Variants in CFAP57 observed in about 807,000 individuals in gnomAD.
The protein encoded by CFAP57 is cilia and flagella associated protein 57, also known as cilia- and flagella-associated protein 57.
A neutral mutation model predicts 146.8 loss-of-function variants in CFAP57; 116 were observed. The ratio of observed to expected loss-of-function variants is 0.79; its 90% confidence interval spans 0.68 to 0.92. The LOEUF (loss-of-function observed/expected upper bound fraction) is 0.92. CFAP57 is among the 40% of genes least tolerant of loss of function. The pLI is 0.00. For missense variants in CFAP57, 1,377 were observed against 1,527.2 expected (o/e 0.90, Z 1.64); for synonymous variants, 518 against 552.8 (o/e 0.94, Z 0.88).
intron 9 of CFAP57, among the ~76,000 whole-genome samples, chr1:43,205,404 G>A (rs538529806): frequency 2.6e-5 from 4 of 152,356 alleles, no homozygotes; most frequent in South Asian, 4.1e-4. Context: ...CTGCACCAGA[G>A]CTGGGGCGGG....
intron 3 of CFAP57, among the ~76,000 whole-genome samples, chr1:43,182,261 G>T (rs1415838610): frequency 6.6e-6 from 1 of 152,212 alleles, no homozygotes; most frequent in Non-Finnish European, 1.5e-5. Flanking sequence ...TAACATGGTA[G>T]GTCTTTAGGA....
rs1384200748 is a variant in CFAP57, at chr1:43,232,545, C to G, written c.3047C>G (p.Thr1016Ser). 1 of 1,550,322 alleles carries G rather than the reference C, an allele frequency of 6.5e-7. No homozygotes were observed. The highest frequency in any genetic ancestry group is 2.4e-5 in the East Asian group (1 of 40,924). Residue 1016 changes from threonine to serine, a missense_variant, in exon 19 of 23, where the codon ACT becomes AGT. By Grantham distance (58) the Thr-to-Ser change is moderately conservative. Transcript: ENST00000372492. ...CTGGAGAATTTCCATAAGCAGAACA[C>G]TCAACTGGAGCTGAACATCACAGAA... is the stretch of plus-strand genomic sequence containing the variant. ...AELENFHKQN[T>S]QLELNITELW...
chr1:43,174,333 CTTTAA>C (rs1645088955), intron 2 of CFAP57, among the ~76,000 whole-genome samples: 3 of 152,098 alleles, frequency 2.0e-5, no homozygotes, highest in Admixed American at 6.6e-5. Flanking sequence ...ATACAGTTGA[CTTTAA>C]TTTATTGATG....
intron 22 of CFAP57, among the ~76,000 whole-genome samples, chr1:43,252,678 T>A (rs1431288625): frequency 3.3e-5 from 5 of 152,102 alleles, no homozygotes; most frequent in African/African-American, 9.7e-5. Flanking sequence ...GCTAGTATGA[T>A]TATTAAAATA....
intron 10 of CFAP57, 95 bp downstream of exon 10, chr1:43,207,027 CT>C: frequency 7.8e-7 from 1 of 1,279,950 alleles, no homozygotes; most frequent in Non-Finnish European, 1.1e-6. Flanking sequence ...GAATGAGGGC[CT>C]CTGCATACAG....
intron 2 of CFAP57, among the ~76,000 whole-genome samples, chr1:43,177,487 G>T (rs1322370999): frequency 6.6e-6 from 1 of 152,100 alleles, no homozygotes; most frequent in East Asian, 1.9e-4. Context: ...TTGATTTCAG[G>T]TCTGGATTTA....
Position 43,243,257 on chromosome 1 carries a change from G to A in CFAP57, c.3436G>A (p.Glu1146Lys), listed in dbSNP as rs185084915. The A allele has an allele frequency of 9.6e-4, 1,489 of 1,550,050 alleles. 1 individual carries two copies. Among genetic ancestry groups the A allele is most frequent in the Non-Finnish European group, 1.2e-3 (1,352 of 1,146,722 alleles). Residue 1146 changes from glutamate to lysine, a missense_variant, in exon 22 of 23, where the codon GAG (glutamate) becomes AAG (lysine). Coordinates refer to ENST00000372492, the MANE Select transcript of CFAP57 (RefSeq NM_001378189.1). ...ENVSLIKEIN[E>K]LRRELKFTRS... ...TGTCTCTCTGATCAAGGAAATTAATGAGCTCCGCAGGGAGCTGAAGTTCAC... is the reference window on the plus strand; with the variant it reads ...TGTCTCTCTGATCAAGGAAATTAATAAGCTCCGCAGGGAGCTGAAGTTCAC...
chr1:43,236,130 A>G (rs539036135), intron 21 of CFAP57, among the ~76,000 whole-genome samples: 4 of 152,200 alleles, frequency 2.6e-5, no homozygotes, highest in Non-Finnish European at 5.9e-5. Context: ...AGAGGGAGCC[A>G]TCAACAAATG....
At chr1:43,183,968 C>G in intron 4 of CFAP57, 91 bp downstream of exon 4, 2 of 1,529,838 alleles carry the variant, frequency 1.3e-6, no homozygotes, top group Admixed American at 1.8e-5. Flanking sequence ...ACTCATAACC[C>G]CTCTACCGTA....
intron 6 of CFAP57, among the ~76,000 whole-genome samples, chr1:43,194,038 A>G (rs4660717): frequency 0.18 from 27,420 of 152,090 alleles, 3,579 homozygotes; most frequent in African/African-American, 0.35. Context: ...ATTGTCTTTT[A>G]TAATTACCTT....
rs1188190132 is a variant in CFAP57, at chr1:43,234,638, G to T, written c.3405G>T (p.Gln1135His). 1.3e-6 allele frequency: 2 copies of T among 1,548,476 alleles called. No individual in the cohort carries two copies. The highest frequency in any genetic ancestry group is 2.7e-5 in the African/African-American group (2 of 72,984). Residue 1135 changes from glutamine to histidine, a missense_variant and splice_region_variant, in exon 21 of 23, where the codon CAG (glutamine) becomes CAT (histidine). Coordinates refer to ENST00000372492, the MANE Select transcript of CFAP57 (RefSeq NM_001378189.1). ...GCACAGACTACGTCCGCATCATGCA[G>T]GTACCTGCATGCTCCCCTCAGCCCC... Reference protein sequence around the residue: ...LHRTDYVRIMQENVSLIKEIN... With the variant: ...LHRTDYVRIMHENVSLIKEIN...
At chr1:43,212,946 AAAAAG>A (rs1644681362) in intron 11 of CFAP57, among the ~76,000 whole-genome samples, 2 of 151,346 alleles carry the variant, frequency 1.3e-5, no homozygotes, top group Non-Finnish European at 2.9e-5. Context: ...AAAAAAAAAA[AAAAAG>A]AAAGAAAGAA....
At chr1:43,246,216 A>C (rs910361790) in intron 22 of CFAP57, among the ~76,000 whole-genome samples, 3 of 152,250 alleles carry the variant, frequency 2.0e-5, no homozygotes, top group Non-Finnish European at 2.9e-5. Context: ...CTGAATAGCC[A>C]AAACAATCTT....
intron 19 of CFAP57, 146 bp from the exon 20 acceptor site, chr1:43,234,133 A>G (rs945432022): frequency 1.3e-5 from 12 of 950,614 alleles, no homozygotes; most frequent in South Asian, 1.1e-4. Flanking sequence ...CTAAGTTTCT[A>G]TGCCCAGTAT....
chr1:43,210,345 AC>A, intron 11 of CFAP57: 1 of 1,359,780 alleles, frequency 7.4e-7, no homozygotes, highest in East Asian at 2.8e-5. Flanking sequence ...CCATGAGTAC[AC>A]ATTTGTAAAT....
chr1:43,248,976 G>A (rs1303151388), intron 22 of CFAP57, among the ~76,000 whole-genome samples: 1 of 151,704 alleles, frequency 6.6e-6, no homozygotes, highest in Non-Finnish European at 1.5e-5. Flanking sequence ...CCGCCTCCCG[G>A]GTTCATGCCA....
rs1645803987 is a variant in CFAP57, at chr1:43,238,953, C to T, written c.3406-4274C>T. ...TTTGATACATTTGCAGTGATCCAAT[C>T]AACCCTTGCAATTGTGGTTACTCTT... On this transcript the variant is annotated intron_variant, in intron 21 of 22. Coordinates refer to ENST00000372492, the MANE Select transcript of CFAP57 (RefSeq NM_001378189.1). This position sits in a 1 kb window ranked among gnomAD's most constrained non-coding sequence, Gnocchi z 4.3. Among the ~76,000 whole-genome samples, 1 of 152,074 alleles carries T rather than the reference C, an allele frequency of 6.6e-6. No homozygotes were observed. The highest frequency in any genetic ancestry group is 1.5e-5 in the Non-Finnish European group (1 of 68,026).
intron 1 of CFAP57, 43 bp downstream of exon 1, chr1:43,172,496 A>T (rs1645001495): frequency 1.5e-6 from 2 of 1,340,574 alleles, no homozygotes; most frequent in Non-Finnish European, 2.0e-6. Context: ...AGCTGGTAGC[A>T]GTGAGGGTAC....
intron 11 of CFAP57, among the ~76,000 whole-genome samples, chr1:43,213,068 C>G (rs1045095746): frequency 6.6e-6 from 1 of 152,098 alleles, no homozygotes; most frequent in Non-Finnish European, 1.5e-5. Flanking sequence ...TCATGCCACT[C>G]TCTACTTCCA....
Sources: gnomAD v4.1 joint callset for allele counts (sites outside exome capture counted in the v4.1 genomes callset) on GRCh38, gnomAD v4.1.1 for gene constraint, Gnocchi (gnomAD v3.1) non-coding constraint, MANE v1.5 for transcripts, NCBI Gene and HGNC (gene_info 2026-07-23, HGNC 2026-07-21) for gene names.